The following TPCN2 variants were observed in gnomAD, a reference collection of about 807,000 sequenced individuals.
TPCN2 encodes the protein two pore segment channel 2, also known as two pore channel protein 2.
TPCN2 carries 92 observed loss-of-function variants against 111.4 expected under a neutral mutation model. The ratio of observed to expected loss-of-function variants is 0.83; its 90% CI spans 0.70 to 0.98. The LOEUF (loss-of-function observed/expected upper bound fraction) is 0.98, where lower values mean the gene tolerates loss of function less well. TPCN2 is among the 50% of genes least tolerant of loss of function. The pLI is 0.00. For missense variants in TPCN2, 995 were observed against 980.1 expected (o/e 1.02, Z -0.20); for synonymous variants, 405 against 414.5 (o/e 0.98, Z 0.28).
At chr11:69,061,690 A>G (rs968844976) in intron 5 of TPCN2, among the ~76,000 whole-genome samples, 1 of 151,796 alleles carries the variant, frequency 6.6e-6, no homozygotes, top group Non-Finnish European at 1.5e-5. Flanking sequence ...CCCAGTGGCC[A>G]GGAGGGGAGG....
At chr11:69,078,828 G>A in intron 15 of TPCN2, 35 bp downstream of exon 15, 1 of 1,614,156 alleles carries the variant, frequency 6.2e-7, no homozygotes, top group Non-Finnish European at 8.5e-7. Flanking sequence ...CAGGGCCAGG[G>A]TGAGGCTGGG....
intron 24 of TPCN2, 57 bp downstream of exon 24, chr11:69,087,263 T>A (rs1856324674): frequency 1.3e-6 from 2 of 1,512,760 alleles, no homozygotes; most frequent in African/African-American, 2.8e-5. Flanking sequence ...AGCCAAGAGC[T>A]GGGGGGTGGA....
intron 20 of TPCN2, 29 bp from the exon 21 acceptor site, chr11:69,085,642 C>A (rs772152568): frequency 6.8e-7 from 1 of 1,479,660 alleles, no homozygotes; most frequent in Admixed American, 1.7e-5. Context: ...GAGCCCCCGC[C>A]CCTGACCCAG....
chr11:69,073,090 C>T (rs1036933771), intron 13 of TPCN2, 89 bp downstream of exon 13: 4 of 977,514 alleles, frequency 4.1e-6, no homozygotes, highest in Non-Finnish European at 6.6e-6. Flanking sequence ...TTCTAATGAT[C>T]AGTGCTGGGA....
At chr11:69,049,210 C>T in intron 1 of TPCN2, 104 bp downstream of exon 1, 2 of 774,448 alleles carry the variant, frequency 2.6e-6, no homozygotes, top group Non-Finnish European at 3.5e-6. Flanking sequence ...GCGCCCCCAC[C>T]AGGTTCGAGT....
At chr11:69,063,716 G>A (rs1255928880) in intron 6 of TPCN2, among the ~76,000 whole-genome samples, 179 bp from the exon 7 acceptor site, 3 of 152,118 alleles carry the variant, frequency 2.0e-5, no homozygotes, top group African/African-American at 7.2e-5. Context: ...CCTTTCCTCT[G>A]GGCCCCATGA....
At chr11:69,062,648 C>A (rs973038922) in intron 5 of TPCN2, among the ~76,000 whole-genome samples, 1 of 151,980 alleles carries the variant, frequency 6.6e-6, no homozygotes, top group Non-Finnish European at 1.5e-5. Context: ...TGTGCAGCGC[C>A]CAGGAGTTGG....
rs768103938 is a variant in TPCN2, at chr11:69,072,899, GCTC to G, written c.1144-13_1144-11del. On this transcript the variant is annotated splice_polypyrimidine_tract_variant and intron_variant, in intron 12 of 24. Transcript: ENST00000294309. ...TTCCCGTGCGCCCCTGCTGACCTGT[GCTC>G]CTTCCTGTGCAGAAGGTGCGTTCCT... The G allele has an allele frequency of 1.2e-6, 2 of 1,606,060 alleles. No individual in the cohort carries two copies. The highest frequency in any genetic ancestry group is 2.7e-5 in the African/African-American group (2 of 74,980).
chr11:69,084,903 C>A, intron 19 of TPCN2: 1 of 787,228 alleles, frequency 1.3e-6, no homozygotes, highest in Non-Finnish European at 1.5e-6. Context: ...ATGTTAGGGA[C>A]AGGCCTGGGG....
intron 1 of TPCN2, among the ~76,000 whole-genome samples, chr11:69,049,588 A>C (rs556178943): frequency 2.0e-5 from 3 of 152,056 alleles, no homozygotes; most frequent in Non-Finnish European, 4.4e-5. Context: ...CACACCCAGT[A>C]AGTGGCCGAG....
chr11:69,055,666 C>T (rs896157856), intron 4 of TPCN2, among the ~76,000 whole-genome samples: 36 of 149,996 alleles, frequency 2.4e-4, no homozygotes, highest in African/African-American at 7.8e-4. Context: ...GCCAGTGTGC[C>T]GTCAGCTCTC....
chr11:69,063,457 C>T (rs991899013), intron 6 of TPCN2, among the ~76,000 whole-genome samples: 1 of 152,052 alleles, frequency 6.6e-6, no homozygotes, highest in Non-Finnish European at 1.5e-5. Flanking sequence ...TCTCCCTGCG[C>T]CCCAGGCCCA....
At chr11:69,072,878 C>T (rs376372359) in intron 12 of TPCN2, 37 bp from the exon 13 acceptor site, 181 of 1,565,726 alleles carry the variant, frequency 1.2e-4, no homozygotes, top group Non-Finnish European at 1.4e-4. Context: ...CTCACCTTCC[C>T]GTGCGCCCCT....
chr11:69,077,008 C>G (rs1436175858), intron 13 of TPCN2, among the ~76,000 whole-genome samples: 3 of 110,186 alleles, frequency 2.7e-5, no homozygotes, highest in Admixed American at 8.5e-5. Context: ...TGCCACGTCC[C>G]TCCACCTGCC....
chr11:69,075,550 G>A (rs774269508), intron 13 of TPCN2, among the ~76,000 whole-genome samples: 10 of 152,232 alleles, frequency 6.6e-5, no homozygotes, highest in East Asian at 1.9e-4. Context: ...GCCCGCTGAC[G>A]TGAAGGGCTG....
rs114455072 is a variant in TPCN2 at position 69,048,976 on chromosome 11, G to T, written c.-22G>T. The T allele has an allele frequency of 8.2e-6, 10 of 1,226,116 alleles. No homozygotes were observed. In the East Asian group the frequency reaches 3.2e-4, roughly 39 times the overall value. 76.0% of individuals were successfully genotyped at this position (1,226,116 alleles called of 1,614,324 possible). A position where few individuals can be genotyped will look rare whatever the true frequency, so the allele number is the denominator to read the frequency against. ...TCGGGGCTTGAGCTTCTGAGGGTCG[G>T]GTCCAGCGCGTGGGCTGCTGGATGG... On this transcript the variant is annotated 5_prime_UTR_variant, in exon 1 of 25. Coordinates refer to ENST00000294309, the MANE Select transcript of TPCN2 (RefSeq NM_139075.4).
intron 13 of TPCN2, among the ~76,000 whole-genome samples, chr11:69,078,051 G>A (rs1381505915): frequency 1.3e-5 from 2 of 152,130 alleles, no homozygotes; most frequent in South Asian, 2.1e-4. Flanking sequence ...GCGTCTGCCC[G>A]CCTGCCCCTC....
At chr11:69,078,833 G>T (rs1331313614) in intron 15 of TPCN2, 40 bp downstream of exon 15, 1 of 1,614,094 alleles carries the variant, frequency 6.2e-7, no homozygotes, top group Non-Finnish European at 8.5e-7. Context: ...CCAGGGTGAG[G>T]CTGGGCAGTG....
chr11:69,058,067 C>T (rs1458480868), intron 5 of TPCN2, among the ~76,000 whole-genome samples: 1 of 152,232 alleles, frequency 6.6e-6, no homozygotes, highest in Non-Finnish European at 1.5e-5. Flanking sequence ...GTCACAAGCC[C>T]CAAGCTCTGT....
Sources: gnomAD v4.1 joint callset for allele counts (sites outside exome capture counted in the v4.1 genomes callset) on GRCh38, gnomAD v4.1.1 for gene constraint, MANE v1.5 for transcripts, NCBI Gene and HGNC (gene_info 2026-07-23, HGNC 2026-07-21) for gene names.